Variants in MINDY4 observed in about 807,000 individuals in gnomAD.
MINDY4 encodes probable ubiquitin carboxyl-terminal hydrolase MINDY-4.
A neutral mutation model predicts 87.0 loss-of-function variants in MINDY4; 68 were observed. The observed-to-expected ratio is 0.78, with a 90% CI of 0.64 to 0.96. The LOEUF (loss-of-function observed/expected upper bound fraction) is 0.96. MINDY4 is among the 40% of genes least tolerant of loss of function. The probability of loss-of-function intolerance (pLI) is 0.00; values close to 1 mark genes in which losing one functional copy is unlikely to be tolerated. For missense variants in MINDY4, 919 were observed against 928.2 expected (o/e 0.99, Z 0.13); for synonymous variants, 379 against 363.2 (o/e 1.04, Z -0.50).
chr7:30,826,691 T>C (rs1788523958), intron 5 of MINDY4, among the ~76,000 whole-genome samples: 2 of 152,210 alleles, frequency 1.3e-5, no homozygotes, highest in South Asian at 4.1e-4. Context: ...AGTTATCGCC[T>C]GGGTTTAAAT....
intron 6 of MINDY4, among the ~76,000 whole-genome samples, chr7:30,835,781 G>A (rs532435939): frequency 4.6e-5 from 7 of 152,220 alleles, no homozygotes; most frequent in Admixed American, 2.6e-4. Context: ...CAGCCTTGCC[G>A]GCACCATTGC....
intron 6 of MINDY4, among the ~76,000 whole-genome samples, chr7:30,835,535 C>T (rs977626979): frequency 7.9e-5 from 12 of 152,216 alleles, no homozygotes; most frequent in African/African-American, 2.9e-4. Flanking sequence ...TTCCCCAGCC[C>T]AGTGGTAGAA....
intron 9 of MINDY4, 60 bp downstream of exon 9, chr7:30,840,908 GA>G (rs1789013363): frequency 6.9e-7 from 1 of 1,457,742 alleles, no homozygotes; most frequent in Admixed American, 1.8e-5. Flanking sequence ...AGAGTGTCCA[GA>G]AAAAACAAGC....
chr7:30,874,403 G>T (rs2128579211), intron 14 of MINDY4, among the ~76,000 whole-genome samples: 1 of 152,350 alleles, frequency 6.6e-6, no homozygotes, highest in South Asian at 2.1e-4. Flanking sequence ...GGGCTGTGTG[G>T]CTTGAGTAAC....
intron 16 of MINDY4, 92 bp downstream of exon 16, chr7:30,882,453 C>A: frequency 8.8e-7 from 1 of 1,136,310 alleles, no homozygotes; most frequent in Non-Finnish European, 1.2e-6. Flanking sequence ...CACCACCAAC[C>A]CCCATGACAG....
intron 5 of MINDY4, among the ~76,000 whole-genome samples, chr7:30,814,889 C>G (rs780124818): frequency 6.6e-6 from 1 of 152,222 alleles, no homozygotes; most frequent in Non-Finnish European, 1.5e-5. Flanking sequence ...TGGCTCACAG[C>G]TCTTATATAA....
At chr7:30,862,127 T>G (rs1382564215) in intron 13 of MINDY4, among the ~76,000 whole-genome samples, 1 of 152,222 alleles carries the variant, frequency 6.6e-6, no homozygotes, top group African/African-American at 2.4e-5. Context: ...GCCTGGGGGC[T>G]CCTCCAGTGC....
intron 1 of MINDY4, among the ~76,000 whole-genome samples, 195 bp downstream of exon 1, chr7:30,771,751 G>A (rs1431637891): frequency 6.6e-6 from 1 of 152,230 alleles, no homozygotes; most frequent in Non-Finnish European, 1.5e-5. Flanking sequence ...TTCTGCCGTC[G>A]TCACCGGGCG....
chr7:30,889,973 A>C (rs562873276), intron 17 of MINDY4, among the ~76,000 whole-genome samples: 2 of 152,362 alleles, frequency 1.3e-5, no homozygotes, highest in East Asian at 3.9e-4. Flanking sequence ...CCCAGGAACC[A>C]AATGGTTCAG....
At chr7:30,790,452 A>G (rs1027092589) in intron 4 of MINDY4, among the ~76,000 whole-genome samples, 2 of 129,030 alleles carry the variant, frequency 1.6e-5, no homozygotes, top group Non-Finnish European at 3.3e-5. Context: ...TTTGGGATTT[A>G]TTTATTTATT....
At chr7:30,811,635 C>T (rs561606806) in intron 5 of MINDY4, among the ~76,000 whole-genome samples, 1 of 152,298 alleles carries the variant, frequency 6.6e-6, no homozygotes, top group Admixed American at 6.5e-5. Flanking sequence ...CAGCGCCACA[C>T]CCTGGCTCTG....
chr7:30,832,242 A>G (rs992101111), intron 6 of MINDY4, among the ~76,000 whole-genome samples: 2 of 152,186 alleles, frequency 1.3e-5, no homozygotes, highest in Non-Finnish European at 2.9e-5. Context: ...CCTCCCTGAC[A>G]ACCTCAGACT....
In MINDY4 at chr7:30,828,587, T is replaced by A; in HGVS notation, c.1074-92T>A. The stretch of plus-strand genomic sequence containing the variant: ...GCCAAGACTAGAGAGACTTGTCTCC[T>A]GAATGCCTATCCATCGCTCTTAACA... On this transcript the variant is annotated intron_variant, in intron 5 of 17. Transcript: ENST00000265299. 5.4e-6 allele frequency: 7 copies of A among 1,298,638 alleles called. No homozygotes were observed. The South Asian group carries it at 8.5e-5, about 16-fold the overall frequency. 80.4% of individuals were successfully genotyped at this position (1,298,638 alleles called of 1,614,324 possible).
intron 2 of MINDY4, 48 bp downstream of exon 2, chr7:30,778,599 C>G: frequency 5.6e-6 from 9 of 1,610,680 alleles, no homozygotes; most frequent in Non-Finnish European, 7.6e-6. Flanking sequence ...CTGAGTTTGG[C>G]ACTGCCAAAG....
intron 5 of MINDY4, among the ~76,000 whole-genome samples, chr7:30,819,650 T>C (rs1788263283): frequency 6.6e-6 from 1 of 152,182 alleles, no homozygotes; most frequent in African/African-American, 2.4e-5. Context: ...TAATATGTTT[T>C]GAAGCTTTGT....
chr7:30,867,172 G>A (rs750394712), intron 13 of MINDY4, among the ~76,000 whole-genome samples: 1 of 152,140 alleles, frequency 6.6e-6, no homozygotes, highest in Non-Finnish European at 1.5e-5. Flanking sequence ...GACACCCATT[G>A]GTTCTGACTC....
intron 5 of MINDY4, among the ~76,000 whole-genome samples, chr7:30,794,251 T>C (rs1304469303): frequency 6.6e-6 from 1 of 152,154 alleles, no homozygotes; most frequent in Non-Finnish European, 1.5e-5. Flanking sequence ...TAATTCAGTT[T>C]GGTAAACATG....
At chr7:30,785,399 G>T (rs1486961326) in intron 3 of MINDY4, among the ~76,000 whole-genome samples, 2 of 152,072 alleles carry the variant, frequency 1.3e-5, no homozygotes, top group African/African-American at 4.8e-5. Context: ...CGGCAAGGCT[G>T]GGCTTCGCAT....
chr7:30,871,103 T>G (rs544089168), intron 13 of MINDY4, among the ~76,000 whole-genome samples: 3 of 150,144 alleles, frequency 2.0e-5, no homozygotes, highest in Admixed American at 6.6e-5. Context: ...CAGTTGTGAC[T>G]CCCAGGGTCG....
Sources: allele counts gnomAD v4.1 joint callset (sites outside exome capture counted in the v4.1 genomes callset), GRCh38; gene constraint gnomAD v4.1.1; transcripts MANE v1.5; gene names NCBI Gene and HGNC (gene_info 2026-07-23, HGNC 2026-07-21).